The following DOK4 variants were observed in gnomAD, a reference collection of about 807,000 sequenced individuals.
DOK4 encodes docking protein 4, also known as downstream of tyrosine kinase 4.
Under a neutral mutation model 40.1 loss-of-function variants are expected in DOK4, and 26 were observed. That is an observed-to-expected ratio of 0.65 (90% CI 0.48 to 0.90). The LOEUF (loss-of-function observed/expected upper bound fraction) is 0.90. Ranked by LOEUF, DOK4 falls within the 40% of genes least tolerant of loss-of-function variation. DOK4 has a pLI of 0.00. For synonymous variants in DOK4, 179 were observed against 177.0 expected, an observed-to-expected ratio of 1.01 and a Z score of -0.09; for missense variants, 392 against 437.2, an observed-to-expected ratio of 0.90 and a Z score of 0.92.
At chr16:57,475,483 G>A (rs2031105753) in intron 4 of DOK4, 23 bp downstream of exon 4, 1 of 1,576,054 alleles carries the variant, frequency 6.3e-7, no homozygotes, top group Admixed American at 1.8e-5. Flanking sequence ...GGAGGCAGAT[G>A]GAGGCCCATA....
At chr16:57,473,714 T>C in exon 8 of DOK4, 1 of 1,612,928 alleles carries the variant, frequency 6.2e-7, no homozygotes, top group Non-Finnish European at 8.5e-7. Context: ...ATACGAGTAA[T>C]GTTCCGTGCC....
intron 3 of DOK4, 46 bp downstream of exon 3, chr16:57,475,804 C>A (rs1177038156): frequency 5.8e-6 from 9 of 1,543,550 alleles, no homozygotes; most frequent in Non-Finnish European, 8.0e-6. Context: ...CTCTCCATCC[C>A]CCACAGCCCT....
rs187291808 is a variant in DOK4, at chr16:57,479,684, G to A, written c.-177C>T. 45 of 561,172 alleles carry A rather than the reference G, an allele frequency of 8.0e-5. No homozygotes were observed. Among genetic ancestry groups the A allele is most frequent in the African/African-American group, 5.7e-4 (30 of 52,530 alleles). The allele number at this position is 561,172 out of a possible 1,614,324, so 34.8% of individuals were successfully genotyped here. ...TGTTCTAGCAGCTCCTTCGCCCCGC[G>A]CCTGCTGGAAATAAAAATGACAGGG... On this transcript the variant is annotated 5_prime_UTR_variant, in exon 2 of 9. Coordinates refer to ENST00000340099, the Ensembl canonical transcript of DOK4. This position sits in a 1 kb window ranked among gnomAD's most constrained non-coding sequence, Gnocchi z 5.8.
chr16:57,477,102 G>A (rs1471293341), intron 2 of DOK4, among the ~76,000 whole-genome samples: 6 of 152,230 alleles, frequency 3.9e-5, no homozygotes, highest in Admixed American at 1.3e-4. Context: ...AGTGGTGGCC[G>A]AGAGCACAGC....
exon 8 of DOK4, chr16:57,473,650 A>C (rs549574994): frequency 1.2e-5 from 20 of 1,614,248 alleles, no homozygotes; most frequent in Middle Eastern, 1.6e-4. Flanking sequence ...TCTGGGAACC[A>C]GTGATGTGGT....
Sources: gnomAD v4.1 joint callset for allele counts (sites outside exome capture counted in the v4.1 genomes callset) on GRCh38, gnomAD v4.1.1 for gene constraint, Gnocchi (gnomAD v3.1) non-coding constraint, MANE v1.5 for transcripts, NCBI Gene and HGNC (gene_info 2026-07-23, HGNC 2026-07-21) for gene names.